The following CACNA1B variants were observed in gnomAD, a reference collection of about 807,000 sequenced individuals.
The protein encoded by CACNA1B is voltage-dependent N-type calcium channel subunit alpha-1B.
A neutral mutation model predicts 247.2 loss-of-function variants in CACNA1B; 70 were observed. The observed-to-expected ratio is 0.28, with a 90% confidence interval of 0.23 to 0.35. The LOEUF (loss-of-function observed/expected upper bound fraction) is 0.35, where lower values mean the gene tolerates loss of function less well. Among genes scored for constraint, CACNA1B ranks in the 10% least tolerant of loss-of-function variants. The probability of loss-of-function intolerance (pLI) is 1.00; values close to 1 mark genes in which losing one functional copy is unlikely to be tolerated. For missense variants in CACNA1B, 2,367 were observed against 3,197.4 expected (o/e 0.74, Z 6.26); for synonymous variants, 1,231 against 1,294.4 (o/e 0.95, Z 1.05).
At chr9:137,968,195 A>G (rs1958103832) in intron 10 of CACNA1B, among the ~76,000 whole-genome samples, 1 of 152,200 alleles carries the variant, frequency 6.6e-6, no homozygotes, top group Non-Finnish European at 1.5e-5. Flanking sequence ...CTGTTGGTTC[A>G]GGGTGGGCTT....
rs1680991322 is a variant in CACNA1B, at chr9:137,973,463, C to T, written c.1543+1871C>T. On this transcript the variant is annotated intron_variant, in intron 11 of 46. Coordinates refer to ENST00000371372, the MANE Select transcript of CACNA1B (RefSeq NM_000718.4). This position sits in a 1 kb window ranked among gnomAD's most constrained non-coding sequence, Gnocchi z 4.1. ...CAAGGACCTGCCCTCAATGCATTGC[C>T]AGAACCTTCAAAATTGAGGCTCGAG... Among the ~76,000 whole-genome samples, 1 of 152,172 alleles carries T rather than the reference C, an allele frequency of 6.6e-6. No homozygotes were observed. The highest frequency in any genetic ancestry group is 6.5e-5 in the Admixed American group (1 of 15,280).
chr9:138,012,178 G>C lies in CACNA1B; in HGVS notation c.2161-951G>C, dbSNP rs1958732791. Among the ~76,000 whole-genome samples the C allele has an allele frequency of 2.0e-5, 3 of 152,186 alleles. No homozygotes were observed. The highest frequency in any genetic ancestry group is 7.2e-5 in the African/African-American group (3 of 41,442). ...CCCAGGAGTGGGGGAGACAGGGAGA[G>C]GCTTCTGACAGCCACAGCTGGGGAA... On this transcript the variant is annotated intron_variant, in intron 17 of 46. Coordinates refer to ENST00000371372, the MANE Select transcript of CACNA1B (RefSeq NM_000718.4). The surrounding 1 kb of genome is among the most constrained non-coding windows in gnomAD (Gnocchi z 4.2).
chr9:138,105,862 C>A, intron 39 of CACNA1B, 55 bp downstream of exon 39: 1 of 953,752 alleles, frequency 1.0e-6, no homozygotes, highest in Non-Finnish European at 1.6e-6. Flanking sequence ...TGCACCTCCG[C>A]CCTCAGTGTC....
At chr9:137,906,077 C>A (rs1302043723) in intron 3 of CACNA1B, among the ~76,000 whole-genome samples, 1 of 152,256 alleles carries the variant, frequency 6.6e-6, no homozygotes, top group East Asian at 1.9e-4. Context: ...ATTCCAGAGG[C>A]TGCTTACACC....
intron 32 of CACNA1B, among the ~76,000 whole-genome samples, chr9:138,071,059 G>C (rs1357550795): frequency 6.6e-6 from 1 of 152,258 alleles, no homozygotes; most frequent in Non-Finnish European, 1.5e-5. Flanking sequence ...TCTTGGTCCA[G>C]AGTCAGTGGG....
chr9:138,009,416 G>A (rs1230495171), intron 16 of CACNA1B, among the ~76,000 whole-genome samples: 1 of 152,238 alleles, frequency 6.6e-6, no homozygotes. Flanking sequence ...AAAGGAAATG[G>A]AAAGGAGGGG....
chr9:137,906,479 G>A (rs1362123434), intron 3 of CACNA1B, among the ~76,000 whole-genome samples: 1 of 152,206 alleles, frequency 6.6e-6, no homozygotes, highest in African/African-American at 2.4e-5. Context: ...ATGCCCGTGT[G>A]TTGTGTTATT....
chr9:138,029,738 G>C (rs564672909), intron 20 of CACNA1B, among the ~76,000 whole-genome samples: 1 of 151,276 alleles, frequency 6.6e-6, no homozygotes, highest in Non-Finnish European at 1.5e-5. Flanking sequence ...AGTGATTCCT[G>C]AGTAGCTGGG....
chr9:138,087,384 C>CAAAAAAAAAAAAAAAA (rs58566171), intron 36 of CACNA1B, among the ~76,000 whole-genome samples: 15 of 52,564 alleles, frequency 2.9e-4, no homozygotes, highest in African/African-American at 4.5e-4. Context: ...GACTCTGTCT[C>CAAAAAAAAAAAAAAAA]AAAAAAAAAA....
chr9:137,898,858 T>G (rs146328613), intron 3 of CACNA1B, among the ~76,000 whole-genome samples: 2,273 of 152,020 alleles, frequency 0.015, 57 homozygotes, highest in African/African-American at 0.051. Context: ...ATTTTTTGTA[T>G]TTTTAGTAGA....
intron 3 of CACNA1B, among the ~76,000 whole-genome samples, chr9:137,905,337 A>T (rs914638280): frequency 7.3e-5 from 11 of 150,494 alleles, no homozygotes; most frequent in South Asian, 6.3e-4. Context: ...TGGGTGACAG[A>T]GTGAGACTCT....
At chr9:138,013,070 A>G (rs1958745131) in intron 17 of CACNA1B, 59 bp from the exon 18 acceptor site, 1 of 1,203,544 alleles carries the variant, frequency 8.3e-7, no homozygotes, top group Non-Finnish European at 1.2e-6. Context: ...ATATATAGCC[A>G]GTGTTAGAGT....
Position 137,981,457 on chromosome 9 carries a change from C to A in CACNA1B, c.1657-2681C>A, listed in dbSNP as rs530588066. On this transcript the variant is annotated intron_variant, in intron 12 of 46. Coordinates refer to ENST00000371372, the MANE Select transcript of CACNA1B (RefSeq NM_000718.4). The stretch of plus-strand genomic sequence containing the variant: ...GGCTCAGAGATCTCTTGAGGTTGAT[C>A]CCCTGGTTGATTAAGCATGTTTTCT... Among the ~76,000 whole-genome samples the A allele has an allele frequency of 2.6e-5, 4 of 152,220 alleles. No individual in the cohort carries two copies. In the East Asian group the frequency reaches 5.8e-4, roughly 22 times the overall value.
chr9:137,972,124 C>T (rs191421981), intron 11 of CACNA1B, among the ~76,000 whole-genome samples: 4 of 152,310 alleles, frequency 2.6e-5, no homozygotes, highest in South Asian at 2.1e-4. Context: ...CATGCCCTTC[C>T]GTGGAGTGAG....
intron 12 of CACNA1B, among the ~76,000 whole-genome samples, chr9:137,978,364 C>T (rs1564218118): frequency 6.9e-6 from 1 of 145,046 alleles, no homozygotes; most frequent in African/African-American, 2.6e-5. Flanking sequence ...AGCACCACCC[C>T]TCCCATGAAG....
chr9:138,120,968 G>A, intron 46 of CACNA1B, 87 bp downstream of exon 46: 1 of 1,426,550 alleles, frequency 7.0e-7, no homozygotes. Context: ...CTCTCCCCAG[G>A]GCCTCGCTGC....
intron 21 of CACNA1B, among the ~76,000 whole-genome samples, chr9:138,044,936 T>A (rs551045254): frequency 6.6e-6 from 1 of 152,298 alleles, no homozygotes; most frequent in Non-Finnish European, 1.5e-5. Flanking sequence ...GACCCTGCCA[T>A]GTCAGGACTG....
chr9:137,895,389 TA>T (rs959289218), intron 3 of CACNA1B, among the ~76,000 whole-genome samples: 3 of 152,142 alleles, frequency 2.0e-5, no homozygotes, highest in African/African-American at 4.8e-5. Context: ...TCTTGATATA[TA>T]AAAAAAATCA....
chr9:137,893,901 G>T (rs577760880), intron 3 of CACNA1B, among the ~76,000 whole-genome samples: 5 of 152,182 alleles, frequency 3.3e-5, no homozygotes, highest in Non-Finnish European at 7.3e-5. Flanking sequence ...CCCTTCTATG[G>T]CTGCACCCAC....
Sources: gnomAD v4.1 joint callset for allele counts (sites outside exome capture counted in the v4.1 genomes callset) on GRCh38, gnomAD v4.1.1 for gene constraint, Gnocchi (gnomAD v3.1) non-coding constraint, MANE v1.5 for transcripts, NCBI Gene and HGNC (gene_info 2026-07-23, HGNC 2026-07-21) for gene names.